Variants in SPRY3 observed in about 807,000 individuals in gnomAD.
SPRY3 encodes sprouty RTK signaling antagonist 3, also known as protein sprouty homolog 3.
Under a neutral mutation model 20.2 loss-of-function variants are expected in SPRY3, and 15 were observed. The observed-to-expected ratio is 0.74, with a 90% CI of 0.50 to 1.14. The LOEUF (loss-of-function observed/expected upper bound fraction) is 1.14, where lower values mean the gene tolerates loss of function less well. Ranked by LOEUF, SPRY3 falls within the 50% of genes most tolerant of loss-of-function variation. The pLI is 0.00. For missense variants in SPRY3, 364 were observed against 363.9 expected (o/e 1.00, Z 0.00); for synonymous variants, 143 against 136.5 (o/e 1.05, Z -0.33).
chrX:155,613,206 A>G (rs1265016733), intron 1 of SPRY3, among the ~76,000 whole-genome samples: 2 of 112,087 alleles, frequency 1.8e-5, no homozygotes. Flanking sequence ...GCTTCTATTT[A>G]TGGTAGTTTA....
intron 2 of SPRY3, among the ~76,000 whole-genome samples, chrX:155,718,218 T>G (rs1176608196): frequency 1.3e-5 from 2 of 152,104 alleles, no homozygotes; most frequent in African/African-American, 2.4e-5. Context: ...CAACTGAAAG[T>G]CTTATGATCT....
intron 2 of SPRY3, among the ~76,000 whole-genome samples, chrX:155,706,768 C>A (rs376559102): frequency 6.6e-6 from 1 of 150,768 alleles, no homozygotes; most frequent in Non-Finnish European, 1.5e-5. Context: ...CTGGGAGGCG[C>A]GAACTACAAA....
At chrX:155,625,783 G>C (rs1219216046) in intron 1 of SPRY3, among the ~76,000 whole-genome samples, 4 of 111,290 alleles carry the variant, frequency 3.6e-5, no homozygotes, top group African/African-American at 1.3e-4. Flanking sequence ...TTCATTTTCT[G>C]TCTATTATTC....
intron 2 of SPRY3, among the ~76,000 whole-genome samples, chrX:155,677,040 G>A (rs2068060547): frequency 9.0e-6 from 1 of 111,348 alleles, no homozygotes; most frequent in Non-Finnish European, 1.9e-5. Flanking sequence ...AGTTCGGATC[G>A]GCTATTGAAG....
At chrX:155,728,313 G>A (rs1339299157) in intron 2 of SPRY3, among the ~76,000 whole-genome samples, 5 of 152,146 alleles carry the variant, frequency 3.3e-5, no homozygotes, top group Admixed American at 6.5e-5. Flanking sequence ...GAGCTCAAAC[G>A]CCATACTGTG....
chrX:155,648,386 C>A (rs1557352044), intron 1 of SPRY3, among the ~76,000 whole-genome samples: 1 of 112,775 alleles, frequency 8.9e-6, no homozygotes. Flanking sequence ...TGCCTATGTC[C>A]TGAATGGTAT....
chrX:155,774,923 T>A, exon 4 of SPRY3: 1 of 671,706 alleles, frequency 1.5e-6, no homozygotes, highest in Non-Finnish European at 2.6e-6. Context: ...TTTCTCACAG[T>A]ATCTATCCCA....
chrX:155,658,831 T>C (rs1407224636), intron 2 of SPRY3, among the ~76,000 whole-genome samples: 1 of 112,121 alleles, frequency 8.9e-6, no homozygotes, highest in Non-Finnish European at 1.9e-5. Flanking sequence ...TTATTATATA[T>C]GGCTTTAATT....
intron 1 of SPRY3, among the ~76,000 whole-genome samples, chrX:155,635,141 G>T (rs1603116035): frequency 9.1e-6 from 1 of 110,210 alleles, no homozygotes; most frequent in African/African-American, 3.3e-5. Flanking sequence ...GTTGTGTTTG[G>T]TTTTTTGTTT....
Position 155,691,448 on chromosome X carries a change from C to T in SPRY3, c.-282+34423C>T, listed in dbSNP as rs777983257. Among the ~76,000 whole-genome samples, 22 of 87,498 alleles carry T rather than the reference C, an allele frequency of 2.5e-4. 5 individuals carry two copies. Among genetic ancestry groups the T allele is most frequent in the African/African-American group, 9.9e-4 (18 of 18,217 alleles). The allele number at this position is 87,498 out of a possible 115,157, so 76.0% of individuals were successfully genotyped here. ...TGGCCAAAGATTCATTTGATGAATT[C>T]GATTTTTCTGAAATAGATGATTCTG... On this transcript the variant is annotated intron_variant, in intron 2 of 3. Coordinates refer to ENST00000675360, the Ensembl canonical transcript of SPRY3.
At chrX:155,742,568 T>C (rs1314942569) in intron 2 of SPRY3, among the ~76,000 whole-genome samples, 1 of 152,154 alleles carries the variant, frequency 6.6e-6, no homozygotes, top group African/African-American at 2.4e-5. Flanking sequence ...TGGCACTTAC[T>C]CTAAAATTGA....
chrX:155,753,701 A>G (rs2091272978), intron 2 of SPRY3, among the ~76,000 whole-genome samples: 1 of 151,958 alleles, frequency 6.6e-6, no homozygotes, highest in Admixed American at 6.6e-5. Flanking sequence ...TGAGATTTAC[A>G]ATCTCACCAG....
At chrX:155,774,356 G>T in exon 4 of SPRY3, 1 of 1,614,010 alleles carries the variant, frequency 6.2e-7, no homozygotes, top group South Asian at 1.1e-5. Context: ...ACAGCAGCTC[G>T]CCCTCTCCCC....
intron 2 of SPRY3, among the ~76,000 whole-genome samples, chrX:155,714,001 G>A (rs2091004327): frequency 6.6e-6 from 1 of 152,072 alleles, no homozygotes; most frequent in African/African-American, 2.4e-5. Context: ...GCATTCTTCA[G>A]CATGTCAGTT....
At chrX:155,672,439 A>G (rs1245353824) in intron 2 of SPRY3, among the ~76,000 whole-genome samples, 2 of 111,478 alleles carry the variant, frequency 1.8e-5, no homozygotes, top group African/African-American at 6.5e-5. Context: ...GAAGACATTT[A>G]TGCAGCCAAA....
chrX:155,773,321 T>C (rs1474816624), intron 3 of SPRY3, among the ~76,000 whole-genome samples: 1 of 145,712 alleles, frequency 6.9e-6, no homozygotes, highest in Admixed American at 6.9e-5. Flanking sequence ...TATATATATA[T>C]ATATATATAT....
At chrX:155,735,304 G>T (rs2091160665) in intron 2 of SPRY3, among the ~76,000 whole-genome samples, 2 of 151,956 alleles carry the variant, frequency 1.3e-5, no homozygotes, top group African/African-American at 4.8e-5. Context: ...CACATTTATA[G>T]AATTTATAGA....
intron 3 of SPRY3, among the ~76,000 whole-genome samples, chrX:155,771,618 T>C: frequency 6.6e-6 from 1 of 152,264 alleles, no homozygotes; most frequent in African/African-American, 2.4e-5. Context: ...AAAAGACTCC[T>C]CCCAGTCCCA....
intron 2 of SPRY3, among the ~76,000 whole-genome samples, chrX:155,705,896 G>C (rs1381063395): frequency 6.6e-6 from 1 of 151,260 alleles, no homozygotes; most frequent in African/African-American, 2.4e-5. Context: ...TACTGAAATT[G>C]AAGAATACAG....
Sources: gnomAD v4.1 joint callset for allele counts (sites outside exome capture counted in the v4.1 genomes callset) on GRCh38, gnomAD v4.1.1 for gene constraint, MANE v1.5 for transcripts, NCBI Gene and HGNC (gene_info 2026-07-23, HGNC 2026-07-21) for gene names.